MAF: variants seen among roughly 807,000 people sequenced by gnomAD.
MAF encodes the protein MAF bZIP transcription factor, also known as transcription factor Maf.
MAF carries 10 observed loss-of-function variants against 22.0 expected under a neutral mutation model. The ratio of observed to expected loss-of-function variants is 0.45; its 90% CI spans 0.28 to 0.77. MAF has a LOEUF of 0.77. Ranked by LOEUF, MAF falls within the 30% of genes least tolerant of loss-of-function variation. The pLI is 0.12. For missense variants in MAF, 544 were observed against 548.4 expected, an observed-to-expected ratio of 0.99 and a Z score of 0.08; for synonymous variants, 337 against 255.8, an observed-to-expected ratio of 1.32 and a Z score of -3.03.
At chr16:79,227,270 G>C in the MAF span, among the ~76,000 whole-genome samples, 1 of 152,074 alleles carries the variant, frequency 6.6e-6, no homozygotes, top group Non-Finnish European at 1.5e-5. Flanking sequence ...GGGATCGCCT[G>C]GGCCTGGGAG....
Position 79,599,994 on chromosome 16 carries a change from G to A in MAF, c.-92C>T. ...GCTGTGCTGGGTGGCCAGCGGGTGAGCCAGCTTGCCGGGCTGGGGCGCTTC... is the reference window on the plus strand; with the variant it reads ...GCTGTGCTGGGTGGCCAGCGGGTGAACCAGCTTGCCGGGCTGGGGCGCTTC... On this transcript the variant is annotated 5_prime_UTR_variant, in exon 1 of 2. Coordinates refer to ENST00000326043, the MANE Select transcript of MAF (RefSeq NM_005360.5). 1 of 1,564,776 alleles carries A rather than the reference G, an allele frequency of 6.4e-7. No homozygotes were observed. Among genetic ancestry groups the A allele is most frequent in the Non-Finnish European group, 8.7e-7 (1 of 1,155,494 alleles).
the MAF span, among the ~76,000 whole-genome samples, chr16:79,355,226 G>A: frequency 6.6e-6 from 1 of 152,296 alleles, no homozygotes; most frequent in South Asian, 2.1e-4. Flanking sequence ...TTTCCCTGCT[G>A]GAAAACGTAT....
the MAF span, among the ~76,000 whole-genome samples, chr16:79,381,006 C>T: frequency 1.4e-4 from 21 of 152,248 alleles, no homozygotes; most frequent in Non-Finnish European, 5.9e-5. Context: ...GGGATTAGAG[C>T]TGCATCCTGG....
the MAF span, among the ~76,000 whole-genome samples, chr16:79,463,898 A>T: frequency 6.6e-6 from 1 of 151,978 alleles, no homozygotes; most frequent in South Asian, 2.1e-4. Context: ...CCCACCCTAA[A>T]ACAAATGGAA....
the MAF span, among the ~76,000 whole-genome samples, chr16:79,527,224 A>C: frequency 2.6e-5 from 4 of 152,158 alleles, no homozygotes; most frequent in Admixed American, 2.6e-4. Flanking sequence ...ATTACAATTG[A>C]CCACAAAATA....
chr16:79,264,367 T>A, the MAF span: 1 of 152,234 alleles, frequency 6.6e-6, no homozygotes, highest in Admixed American at 6.5e-5. Context: ...ATCCAATCTT[T>A]ACTGTAACTA....
chr16:79,257,544 T>G, the MAF span, among the ~76,000 whole-genome samples: 3 of 152,144 alleles, frequency 2.0e-5, no homozygotes, highest in Non-Finnish European at 4.4e-5. Flanking sequence ...CAGTGGGTCA[T>G]GGTGAGTGAG....
chr16:79,392,023 G>A, the MAF span, among the ~76,000 whole-genome samples: 4 of 149,906 alleles, frequency 2.7e-5, no homozygotes, highest in South Asian at 8.6e-4. Flanking sequence ...AGGAAAGAGA[G>A]AGAGGGAAGA....
the MAF span, among the ~76,000 whole-genome samples, chr16:79,412,399 T>C: frequency 2.6e-5 from 4 of 152,176 alleles, no homozygotes; most frequent in African/African-American, 9.7e-5. Context: ...GTTTCCTCCA[T>C]TGTGAGTAGT....
chr16:79,576,129 G>A, the MAF span, among the ~76,000 whole-genome samples: 1 of 149,790 alleles, frequency 6.7e-6, no homozygotes, highest in East Asian at 2.0e-4. Flanking sequence ...TTGTATCACT[G>A]CTCTTGCTTT....
At chr16:79,479,433 G>A in the MAF span, among the ~76,000 whole-genome samples, 20 of 152,320 alleles carry the variant, frequency 1.3e-4, 1 homozygote, top group South Asian at 1.4e-3. Flanking sequence ...CTGAGCATCC[G>A]TTTTAAGACC....
the MAF span, among the ~76,000 whole-genome samples, chr16:79,359,713 C>T: frequency 6.6e-6 from 1 of 152,166 alleles, no homozygotes; most frequent in Non-Finnish European, 1.5e-5. Flanking sequence ...GCTTGGGGGT[C>T]AAGCAGACCC....
chr16:79,515,687 G>C, the MAF span, among the ~76,000 whole-genome samples: 5 of 152,168 alleles, frequency 3.3e-5, no homozygotes, highest in African/African-American at 9.7e-5. Context: ...TAAGAGGCTG[G>C]GCCGTGCTTC....
chr16:79,520,844 G>A, the MAF span, among the ~76,000 whole-genome samples: 1 of 152,104 alleles, frequency 6.6e-6, no homozygotes. Context: ...CATTGGCAAG[G>A]GAAGGGTATT....
chr16:79,514,787 C>T, the MAF span, among the ~76,000 whole-genome samples: 10 of 152,146 alleles, frequency 6.6e-5, no homozygotes, highest in Non-Finnish European at 1.5e-5. Context: ...CTGGATTTAG[C>T]CAACGAAGTT....
chr16:79,292,137 C>T, the MAF span, among the ~76,000 whole-genome samples: 617 of 152,076 alleles, frequency 4.1e-3, 5 homozygotes, highest in South Asian at 0.03. Flanking sequence ...TGGGTTGAAT[C>T]GCATCTCTAA....
At chr16:79,369,426 A>G in the MAF span, among the ~76,000 whole-genome samples, 1 of 152,206 alleles carries the variant, frequency 6.6e-6, no homozygotes, top group East Asian at 1.9e-4. Context: ...GTTTAGACAA[A>G]CATTACTGCA....
chr16:79,421,372 A>G, the MAF span, among the ~76,000 whole-genome samples: 3 of 152,124 alleles, frequency 2.0e-5, no homozygotes, highest in African/African-American at 7.2e-5. Flanking sequence ...TGCTCTGCCC[A>G]TTCATCCCTC....
At chr16:79,322,124 C>A in the MAF span, among the ~76,000 whole-genome samples, 1 of 152,020 alleles carries the variant, frequency 6.6e-6, no homozygotes, top group Admixed American at 6.6e-5. Flanking sequence ...CCCAGCTACT[C>A]AGGAGGCTGA....
Sources: gnomAD v4.1 joint callset for allele counts (sites outside exome capture counted in the v4.1 genomes callset) on GRCh38, gnomAD v4.1.1 for gene constraint, MANE v1.5 for transcripts, NCBI Gene and HGNC (gene_info 2026-07-23, HGNC 2026-07-21) for gene names.